Variants in WDFY1 observed in about 807,000 individuals in gnomAD.
WDFY1 encodes WD repeat and FYVE domain containing 1.
A neutral mutation model predicts 56.4 loss-of-function variants in WDFY1; 32 were observed. The observed-to-expected ratio is 0.57, with a 90% CI of 0.43 to 0.76. WDFY1 has a LOEUF of 0.76. Among genes scored for constraint, WDFY1 ranks in the 30% least tolerant of loss-of-function variants. WDFY1 has a pLI of 0.00. For synonymous variants in WDFY1, 192 were observed against 197.3 expected (o/e 0.97, Z 0.23); for missense variants, 480 against 545.7 (o/e 0.88, Z 1.20).
chr2:223,883,691 G>A (rs1378551161), intron 9 of WDFY1, among the ~76,000 whole-genome samples: 1 of 152,084 alleles, frequency 6.6e-6, no homozygotes, highest in Non-Finnish European at 1.5e-5. Flanking sequence ...TGTCACTTAG[G>A]CTGGAGTGCA....
At chr2:223,905,306 G>A (rs765091393) in intron 4 of WDFY1, among the ~76,000 whole-genome samples, 2 of 151,744 alleles carry the variant, frequency 1.3e-5, no homozygotes, top group Admixed American at 6.6e-5. Flanking sequence ...GTAGGAATTT[G>A]TCTTAAAAAA....
intron 3 of WDFY1, among the ~76,000 whole-genome samples, chr2:223,911,385 G>A (rs1693697500): frequency 6.6e-6 from 1 of 151,700 alleles, no homozygotes; most frequent in Non-Finnish European, 1.5e-5. Flanking sequence ...ACTTTAAAAT[G>A]GTAAATATAA....
chr2:223,903,532 AAC>A (rs2106083693), intron 4 of WDFY1, among the ~76,000 whole-genome samples: 1 of 117,280 alleles, frequency 8.5e-6, no homozygotes, highest in Non-Finnish European at 1.8e-5. Context: ...CAAAAAACAA[AAC>A]AAAACAAAAA....
intron 8 of WDFY1, among the ~76,000 whole-genome samples, chr2:223,893,516 C>T (rs1693312864): frequency 6.7e-6 from 1 of 150,028 alleles, no homozygotes; most frequent in South Asian, 2.1e-4. Flanking sequence ...GGTGACAAAG[C>T]AAGACCCTGT....
intron 7 of WDFY1, 67 bp downstream of exon 7, chr2:223,895,437 A>G (rs1693348242): frequency 1.2e-6 from 2 of 1,610,452 alleles, no homozygotes; most frequent in Non-Finnish European, 1.7e-6. Context: ...GTATCAGACT[A>G]TTAATGCCTT....
chr2:223,899,574 G>A (rs1303884946), intron 5 of WDFY1, among the ~76,000 whole-genome samples: 4 of 151,970 alleles, frequency 2.6e-5, no homozygotes, highest in South Asian at 2.1e-4. Context: ...GTGAAACCCC[G>A]TCTCTACTAA....
intron 1 of WDFY1, among the ~76,000 whole-genome samples, chr2:223,943,052 G>T (rs951772981): frequency 6.6e-6 from 1 of 151,354 alleles, no homozygotes; most frequent in African/African-American, 2.4e-5. Context: ...GTGGTGGCAG[G>T]CGCCTATAGT....
At chr2:223,906,156 T>A (rs1288464553) in intron 3 of WDFY1, among the ~76,000 whole-genome samples, 155 bp from the exon 4 acceptor site, 1 of 152,202 alleles carries the variant, frequency 6.6e-6, no homozygotes, top group Admixed American at 6.5e-5. Flanking sequence ...AATTGCTTCT[T>A]TCACCAGACC....
chr2:223,910,680 G>A (rs778232373), intron 3 of WDFY1, among the ~76,000 whole-genome samples: 31 of 152,092 alleles, frequency 2.0e-4, no homozygotes, highest in East Asian at 5.8e-4. Context: ...AGGAAAACGC[G>A]AATCAAAACC....
At chr2:223,920,144 T>G (rs557686786) in intron 1 of WDFY1, among the ~76,000 whole-genome samples, 1 of 152,360 alleles carries the variant, frequency 6.6e-6, no homozygotes, top group Non-Finnish European at 1.5e-5. Context: ...AAGAAATATT[T>G]TCAATGCAAA....
chr2:223,908,498 G>A (rs901127697), intron 3 of WDFY1, among the ~76,000 whole-genome samples: 7 of 152,106 alleles, frequency 4.6e-5, no homozygotes, highest in Non-Finnish European at 7.3e-5. Flanking sequence ...TCCAGCTTCC[G>A]TGGCTGCACT....
intron 3 of WDFY1, among the ~76,000 whole-genome samples, chr2:223,907,878 G>C (rs1362760629): frequency 9.1e-4 from 1 of 1,100 alleles, no homozygotes; most frequent in Non-Finnish European, 5.3e-3. Flanking sequence ...TCTTTCTTTT[G>C]AGACAGGGTC....
chr2:223,894,203 C>G (rs759857204), intron 8 of WDFY1, 31 bp downstream of exon 8: 2 of 1,611,868 alleles, frequency 1.2e-6, no homozygotes, highest in Non-Finnish European at 1.7e-6. Context: ...GGGTCTCCCC[C>G]GATCAGCCTG....
chr2:223,910,694 A>G (rs1307535761), intron 3 of WDFY1, among the ~76,000 whole-genome samples: 2 of 152,138 alleles, frequency 1.3e-5, no homozygotes, highest in African/African-American at 2.4e-5. Flanking sequence ...CAAAACCACA[A>G]TCTGGTACCA....
chr2:223,928,684 T>A (rs1004583809), intron 1 of WDFY1, among the ~76,000 whole-genome samples: 1 of 152,238 alleles, frequency 6.6e-6, no homozygotes, highest in African/African-American at 2.4e-5. Flanking sequence ...CAGAAGTCAT[T>A]GGAATCCGAA....
At chr2:223,914,023 G>C (rs1693748120) in intron 2 of WDFY1, among the ~76,000 whole-genome samples, 1 of 94,168 alleles carries the variant, frequency 1.1e-5, no homozygotes, top group South Asian at 3.8e-4. Flanking sequence ...TTTTGAGATG[G>C]TGTCTTGCTG....
At position 223,892,561 on chromosome 2, in the gene WDFY1, T is replaced by C. The variant is rs118172122; in HGVS notation, c.831+1673A>G. Among the ~76,000 whole-genome samples the C allele has an allele frequency of 8.8e-3, 1,332 of 152,192 alleles. 49 individuals carry two copies. The East Asian group carries it at 0.11, about 12-fold the overall frequency. ...GTACAGTAGCCATAAAGTCTGGAAATGAGTAATGTCACCATTTAAAAAAAA... is the reference window on the plus strand; with the variant it reads ...GTACAGTAGCCATAAAGTCTGGAAACGAGTAATGTCACCATTTAAAAAAAA... On this transcript the variant is annotated intron_variant, in intron 8 of 11. Transcript: ENST00000233055.
chr2:223,896,597 T>C (rs751944130), intron 6 of WDFY1, among the ~76,000 whole-genome samples: 1 of 152,242 alleles, frequency 6.6e-6, no homozygotes, highest in Non-Finnish European at 1.5e-5. Flanking sequence ...TCCTTGTTCA[T>C]CGACTGCTGT....
intron 4 of WDFY1, among the ~76,000 whole-genome samples, chr2:223,902,782 T>C (rs1001779460): frequency 6.7e-6 from 1 of 149,758 alleles, no homozygotes; most frequent in African/African-American, 2.4e-5. Flanking sequence ...TATAAATATA[T>C]ATTAAATATA....
Sources: allele counts gnomAD v4.1 joint callset (sites outside exome capture counted in the v4.1 genomes callset), GRCh38; gene constraint gnomAD v4.1.1; transcripts MANE v1.5; gene names NCBI Gene and HGNC (gene_info 2026-07-23, HGNC 2026-07-21).